PSMA8: variants seen among roughly 807,000 people sequenced by gnomAD.
The protein encoded by PSMA8 is proteasome subunit alpha-type 8.
In PSMA8, 18 loss-of-function variants were observed where a neutral mutation model predicts 32.4. The ratio of observed to expected loss-of-function variants is 0.56; its 90% confidence interval spans 0.38 to 0.82. PSMA8 has a LOEUF of 0.82. PSMA8 is among the 40% of genes least tolerant of loss of function. The probability of loss-of-function intolerance (pLI) is 0.00; values close to 1 mark genes in which losing one functional copy is unlikely to be tolerated. For synonymous variants in PSMA8, 104 were observed against 98.1 expected (o/e 1.06, Z -0.36); for missense variants, 298 against 300.7 (o/e 0.99, Z 0.07).
At chr18:26,183,633 G>A (rs1324489445) in intron 6 of PSMA8, among the ~76,000 whole-genome samples, 1 of 150,716 alleles carries the variant, frequency 6.6e-6, no homozygotes. Flanking sequence ...AGAAAAGAAT[G>A]TGGTTTCTTG....
intron 4 of PSMA8, among the ~76,000 whole-genome samples, chr18:26,172,730 C>A (rs11083164): frequency 0.11 from 16,378 of 152,116 alleles, 1,408 homozygotes; most frequent in African/African-American, 0.25. Flanking sequence ...TTGCTTCCAA[C>A]TACCACCTCA....
intron 4 of PSMA8, among the ~76,000 whole-genome samples, chr18:26,174,170 G>A (rs895640630): frequency 6.6e-6 from 1 of 152,096 alleles, no homozygotes; most frequent in Non-Finnish European, 1.5e-5. Context: ...ATAGCATTCG[G>A]ATCATGAAAT....
chr18:26,151,770 A>C (rs1302456559), intron 2 of PSMA8, 88 bp from the exon 3 acceptor site: 1 of 1,244,248 alleles, frequency 8.0e-7, no homozygotes, highest in African/African-American at 1.5e-5. Context: ...GAAAGATTTC[A>C]TTGTGAATAA....
intron 4 of PSMA8, among the ~76,000 whole-genome samples, chr18:26,158,919 G>A (rs565059802): frequency 1.3e-5 from 2 of 152,214 alleles, no homozygotes; most frequent in South Asian, 4.2e-4. Flanking sequence ...GTTACAGTGA[G>A]TTATAATCAT....
chr18:26,167,823 T>C (rs1021701103), intron 4 of PSMA8, among the ~76,000 whole-genome samples: 9 of 151,920 alleles, frequency 5.9e-5, no homozygotes, highest in Non-Finnish European at 4.4e-5. Context: ...ATTTCTGTGG[T>C]TTATGCCACC....
At position 26,144,625 on chromosome 18, in the gene PSMA8, G is replaced by A; in HGVS notation, c.169G>A (p.Asp57Asn). Residue 57 changes from aspartate (D) to asparagine (N), a missense_variant, in exon 2 of 7, where the codon GAT becomes AAT. Transcript: ENST00000415576. ...AAAAAAATCTGTTGCCAAGCTTCAA[G>A]ATGAAAGAACTGTGAGGAAAATTTG... ...VEKKSVAKLQ[D>N]ERTVRKICAL... 1.2e-6 allele frequency: 2 copies of A among 1,613,942 alleles called. No individual in the cohort carries two copies. Among genetic ancestry groups the A allele is most frequent in the Non-Finnish European group, 1.7e-6 (2 of 1,179,904 alleles).
At chr18:26,176,344 T>C (rs2144339914) in intron 4 of PSMA8, among the ~76,000 whole-genome samples, 1 of 152,132 alleles carries the variant, frequency 6.6e-6, no homozygotes, top group East Asian at 1.9e-4. Context: ...GGGTAGCAAC[T>C]AGTTACCAAA....
Position 26,138,448 on chromosome 18 carries a change from A to T in PSMA8, c.102+4381A>T, listed in dbSNP as rs190181311. On this transcript the variant is annotated intron_variant, in intron 1 of 6. Coordinates refer to ENST00000415576, the MANE Select transcript of PSMA8 (RefSeq NM_001025096.2). ...GCCTTTCCACATTAGGAAAGTGAAA[A>T]GCCAATATGCAAAGAGTACATATTA... 6.8e-4 allele frequency among the ~76,000 whole-genome samples: 103 copies of T among 152,302 alleles called. 1 individual carries two copies. Among genetic ancestry groups the T allele is most frequent in the Non-Finnish European group, 4.4e-5 (3 of 68,036 alleles).
chr18:26,140,161 C>A, intron 1 of PSMA8: 1 of 702,762 alleles, frequency 1.4e-6, no homozygotes, highest in South Asian at 1.5e-5. Context: ...CACCAGTTAG[C>A]CCATCCAGAG....
At chr18:26,165,538 T>C (rs1160381932) in intron 4 of PSMA8, among the ~76,000 whole-genome samples, 1 of 152,100 alleles carries the variant, frequency 6.6e-6, no homozygotes, top group Non-Finnish European at 1.5e-5. Context: ...AAACGAACAG[T>C]AGCTAGAGGA....
At chr18:26,185,793 T>C (rs896886888) in intron 6 of PSMA8, among the ~76,000 whole-genome samples, 5 of 151,008 alleles carry the variant, frequency 3.3e-5, no homozygotes, top group African/African-American at 7.3e-5. Flanking sequence ...AGAAATAGTT[T>C]CAATTTTGTT....
intron 3 of PSMA8, among the ~76,000 whole-genome samples, chr18:26,152,856 C>A (rs1718156018): frequency 6.6e-6 from 1 of 152,200 alleles, no homozygotes; most frequent in African/African-American, 2.4e-5. Flanking sequence ...CTCTCTTGCC[C>A]TTTCACCTTC....
intron 4 of PSMA8, chr18:26,170,903 G>C: frequency 6.4e-7 from 1 of 1,559,128 alleles, no homozygotes; most frequent in Non-Finnish European, 8.5e-7. Flanking sequence ...GATGGCCTGG[G>C]TGATTCATGG....
Position 26,140,215 on chromosome 18 carries a change from T to G in PSMA8, c.103-4344T>G, listed in dbSNP as rs866897117. ...ACTAGAGTCCTTTGGCAGGCTGGCG[T>G]GATGCCTAGGTCAGCAGGCAGGCTG... On this transcript the variant is annotated intron_variant, in intron 1 of 6. Transcript: ENST00000415576. 5.8e-6 allele frequency: 4 copies of G among 693,682 alleles called. No homozygotes were observed. In the Middle Eastern group the frequency reaches 9.3e-4, roughly 161 times the overall value. 43.0% of individuals were successfully genotyped at this position (693,682 alleles called of 1,614,324 possible).
In PSMA8 at chr18:26,139,994, C is replaced by A. The variant is rs568116915; in HGVS notation, c.103-4565C>A. ...TTTAAAAGATTGTTACTTTTTAATT[C>A]TTTGTCAAGAAATTCATAGATCTCC... On this transcript the variant is annotated intron_variant, in intron 1 of 6. Transcript: ENST00000415576. 9.5e-5 allele frequency: 66 copies of A among 697,846 alleles called. No homozygotes were observed. The Admixed American group carries it at 1.2e-3, about 12-fold the overall frequency. The allele number at this position is 697,846 out of a possible 1,614,324, so 43.2% of individuals were successfully genotyped here.
intron 1 of PSMA8, among the ~76,000 whole-genome samples, chr18:26,140,499 T>C (rs769704684): frequency 3.3e-5 from 5 of 152,218 alleles, no homozygotes; most frequent in Non-Finnish European, 7.3e-5. Flanking sequence ...TGTGCTTTGG[T>C]CTCTCACCTG....
chr18:26,157,162 A>C (rs2055096813), intron 3 of PSMA8, among the ~76,000 whole-genome samples: 1 of 152,048 alleles, frequency 6.6e-6, no homozygotes, highest in Non-Finnish European at 1.5e-5. Context: ...CATAGGCAAG[A>C]CCAGGAAGAA....
intron 4 of PSMA8, among the ~76,000 whole-genome samples, chr18:26,168,461 T>A (rs868626331): frequency 0.022 from 2,524 of 114,278 alleles, 180 homozygotes; most frequent in African/African-American, 0.11. Context: ...TGCCCTAGAA[T>A]GATTGCCTAA....
At chr18:26,146,173 T>G (rs1237895341) in intron 2 of PSMA8, among the ~76,000 whole-genome samples, 1 of 152,004 alleles carries the variant, frequency 6.6e-6, no homozygotes, top group African/African-American at 2.4e-5. Flanking sequence ...TTGTCTTTTT[T>G]TTTTTCCTCA....
Sources: gnomAD v4.1 joint callset for allele counts (sites outside exome capture counted in the v4.1 genomes callset) on GRCh38, gnomAD v4.1.1 for gene constraint, MANE v1.5 for transcripts, NCBI Gene and HGNC (gene_info 2026-07-23, HGNC 2026-07-21) for gene names.